The following NTRK2 variants were observed in gnomAD, a reference collection of about 807,000 sequenced individuals.
NTRK2 encodes the protein neurotrophic receptor tyrosine kinase 2, also known as BDNF/NT-3 growth factors receptor.
In NTRK2, 13 loss-of-function variants were observed where a neutral mutation model predicts 94.5. The ratio of observed to expected loss-of-function variants is 0.14; its 90% confidence interval spans 0.09 to 0.22. The LOEUF is 0.22. Ranked by LOEUF, NTRK2 falls within the 10% of genes least tolerant of loss-of-function variation. The pLI is 1.00. For synonymous variants in NTRK2, 372 were observed against 407.4 expected, an observed-to-expected ratio of 0.91 and a Z score of 1.05; for missense variants, 639 against 1,071.2, an observed-to-expected ratio of 0.60 and a Z score of 5.63.
At chr9:84,901,288 T>C (rs1024133941) in intron 14 of NTRK2, among the ~76,000 whole-genome samples, 8 of 151,622 alleles carry the variant, frequency 5.3e-5, no homozygotes, top group Non-Finnish European at 1.0e-4. Flanking sequence ...AGTGGTGTGA[T>C]CTTGGCTCAC....
At chr9:84,778,635 T>C (rs1172681880) in intron 12 of NTRK2, among the ~76,000 whole-genome samples, 1 of 152,186 alleles carries the variant, frequency 6.6e-6, no homozygotes, top group Non-Finnish European at 1.5e-5. Flanking sequence ...TTCTGTAAAG[T>C]CCCTCTCTGG....
At chr9:84,910,591 A>G (rs1336513281) in intron 14 of NTRK2, among the ~76,000 whole-genome samples, 1 of 152,154 alleles carries the variant, frequency 6.6e-6, no homozygotes, top group East Asian at 1.9e-4. Flanking sequence ...ATTCCAAATA[A>G]GGTCCCAATC....
chr9:84,695,797 G>T (rs1430633396), intron 2 of NTRK2, among the ~76,000 whole-genome samples: 1 of 152,100 alleles, frequency 6.6e-6, no homozygotes, highest in Admixed American at 6.5e-5. Context: ...TCCTTCCACT[G>T]TGCCCTCACA....
At chr9:84,681,690 C>A (rs2059400306) in intron 2 of NTRK2, among the ~76,000 whole-genome samples, 1 of 152,158 alleles carries the variant, frequency 6.6e-6, no homozygotes, top group South Asian at 2.1e-4. Flanking sequence ...CCAGTCTTGT[C>A]CCCTCTCTGC....
chr9:84,719,794 C>T (rs2061942618), intron 6 of NTRK2, among the ~76,000 whole-genome samples: 1 of 151,728 alleles, frequency 6.6e-6, no homozygotes, highest in Non-Finnish European at 1.5e-5. Context: ...TGAGGCGGGT[C>T]GAGTGCCTGA....
At chr9:84,696,258 C>T (rs1278316986) in intron 2 of NTRK2, among the ~76,000 whole-genome samples, 1 of 152,212 alleles carries the variant, frequency 6.6e-6, no homozygotes, top group African/African-American at 2.4e-5. Flanking sequence ...CCTGCCTTGG[C>T]CTCCCAAAGT....
chr9:84,815,516 C>T (rs200460399), intron 12 of NTRK2: 15 of 964,400 alleles, frequency 1.6e-5, no homozygotes, highest in Non-Finnish European at 1.7e-5. Context: ...TTCTCATGCC[C>T]TGTTTTTTTT....
At chr9:84,774,952 G>A (rs1334214209) in intron 12 of NTRK2, among the ~76,000 whole-genome samples, 5 of 152,206 alleles carry the variant, frequency 3.3e-5, no homozygotes, top group Non-Finnish European at 7.3e-5. Context: ...AAGGGACACA[G>A]GAGGTACTCA....
At chr9:84,821,103 C>CT (rs1021614229) in intron 12 of NTRK2, among the ~76,000 whole-genome samples, 4 of 151,876 alleles carry the variant, frequency 2.6e-5, no homozygotes, top group East Asian at 1.9e-4. Flanking sequence ...AACCTGTTTT[C>CT]TTTTTTTTAT....
At chr9:84,712,509 C>T (rs557497907) in intron 6 of NTRK2, among the ~76,000 whole-genome samples, 5 of 152,126 alleles carry the variant, frequency 3.3e-5, no homozygotes, top group Non-Finnish European at 7.4e-5. Context: ...GTTACATTCA[C>T]GGTAACATTC....
intron 12 of NTRK2, among the ~76,000 whole-genome samples, chr9:84,791,895 G>A (rs1274318192): frequency 6.6e-6 from 1 of 152,178 alleles, no homozygotes; most frequent in Non-Finnish European, 1.5e-5. Context: ...AAAACAACAA[G>A]AGATGGTTTA....
In NTRK2 at chr9:84,963,600, T is replaced by C. The variant is rs1011179808; in HGVS notation, c.2172+8083T>C. ...ATTGTTGTATTTATATTTATTGTGCTTGGACTCACTGGATTTCTTGGATTT... is the reference window on the plus strand; with the variant it reads ...ATTGTTGTATTTATATTTATTGTGCCTGGACTCACTGGATTTCTTGGATTT... On this transcript the variant is annotated intron_variant, in intron 17 of 18. Transcript: ENST00000277120. 3.9e-5 allele frequency among the ~76,000 whole-genome samples: 6 copies of C among 152,340 alleles called. No homozygotes were observed. The South Asian group carries it at 1.2e-3, about 32-fold the overall frequency.
chr9:84,893,978 T>C (rs147597545), intron 14 of NTRK2, among the ~76,000 whole-genome samples: 2 of 152,264 alleles, frequency 1.3e-5, no homozygotes, highest in Admixed American at 1.3e-4. Context: ...CCACGAGGCC[T>C]GTCAAACCGA....
intron 17 of NTRK2, among the ~76,000 whole-genome samples, chr9:84,958,439 C>T (rs1341485066): frequency 6.6e-6 from 1 of 152,222 alleles, no homozygotes; most frequent in African/African-American, 2.4e-5. Context: ...TGGCAATATT[C>T]TGAAGTACTT....
chr9:84,680,694 G>A (rs1044526201), intron 2 of NTRK2, among the ~76,000 whole-genome samples: 5 of 152,038 alleles, frequency 3.3e-5, no homozygotes, highest in African/African-American at 1.2e-4. Flanking sequence ...CCTGACTAAA[G>A]TACCTCTCCC....
chr9:84,710,472 A>G (rs1370023918), intron 5 of NTRK2, among the ~76,000 whole-genome samples, 165 bp from the exon 6 acceptor site: 1 of 152,250 alleles, frequency 6.6e-6, no homozygotes, highest in Admixed American at 6.5e-5. Flanking sequence ...CTCCGTAAGT[A>G]TCAGATAAAT....
intron 9 of NTRK2, among the ~76,000 whole-genome samples, chr9:84,735,053 G>C (rs2063157048): frequency 6.6e-6 from 1 of 151,960 alleles, no homozygotes; most frequent in South Asian, 2.1e-4. Flanking sequence ...AAGATACCCT[G>C]ACTCCAATAT....
chr9:84,773,580 T>C (rs2066758457), intron 12 of NTRK2, among the ~76,000 whole-genome samples: 1 of 152,122 alleles, frequency 6.6e-6, no homozygotes, highest in South Asian at 2.1e-4. Flanking sequence ...CTTTTCTCTC[T>C]CTCTCTCTCA....
chr9:84,839,283 A>G (rs1005239687), intron 12 of NTRK2, among the ~76,000 whole-genome samples: 3 of 152,202 alleles, frequency 2.0e-5, no homozygotes, highest in Non-Finnish European at 2.9e-5. Context: ...GCAGATTTTA[A>G]TTCTGACTTT....
Sources: gnomAD v4.1 joint callset for allele counts (sites outside exome capture counted in the v4.1 genomes callset) on GRCh38, gnomAD v4.1.1 for gene constraint, MANE v1.5 for transcripts, NCBI Gene and HGNC (gene_info 2026-07-23, HGNC 2026-07-21) for gene names.